The following PLCZ1 variants were observed in gnomAD, a reference collection of about 807,000 sequenced individuals.
The protein encoded by PLCZ1 is phospholipase C zeta 1, also known as 1-phosphatidylinositol 4,5-bisphosphate phosphodiesterase zeta-1.
Under a neutral mutation model 76.8 loss-of-function variants are expected in PLCZ1, and 64 were observed. That is an observed-to-expected ratio of 0.83 (90% CI 0.68 to 1.03). The LOEUF is 1.03. Among genes scored for constraint, PLCZ1 ranks in the 50% least tolerant of loss-of-function variants. The pLI is 0.00. For synonymous variants in PLCZ1, 248 were observed against 230.8 expected, an observed-to-expected ratio of 1.07 and a Z score of -0.68; for missense variants, 751 against 713.7, an observed-to-expected ratio of 1.05 and a Z score of -0.60.
chr12:18,693,631 T>C, intron 12 of PLCZ1: 2 of 1,567,020 alleles, frequency 1.3e-6, no homozygotes, highest in Non-Finnish European at 1.8e-6. Flanking sequence ...TGTTTATTGA[T>C]GAAATTGACG....
At chr12:18,725,305 T>C (rs1958688710) in intron 3 of PLCZ1, among the ~76,000 whole-genome samples, 1 of 151,926 alleles carries the variant, frequency 6.6e-6, no homozygotes, top group Non-Finnish European at 1.5e-5. Context: ...AGAAAAGCAA[T>C]AAGAAAGAAG....
At chr12:18,652,668 G>A in the PLCZ1 span, among the ~76,000 whole-genome samples, 5 of 151,910 alleles carry the variant, frequency 3.3e-5, no homozygotes, top group South Asian at 2.1e-4. Flanking sequence ...ATGATAGAAT[G>A]GCACACCAGT....
the PLCZ1 span, among the ~76,000 whole-genome samples, chr12:18,652,133 C>A: frequency 1.4e-4 from 22 of 151,948 alleles, no homozygotes; most frequent in Non-Finnish European, 5.9e-5. Context: ...GAAGTCCTAA[C>A]CCCAGGTACC....
chr12:18,663,770 T>A, the PLCZ1 span, among the ~76,000 whole-genome samples: 15 of 152,036 alleles, frequency 9.9e-5, no homozygotes, highest in East Asian at 2.5e-3. Context: ...AATTGAAAAA[T>A]GTTGTGCATC....
the PLCZ1 span, among the ~76,000 whole-genome samples, chr12:18,672,473 A>G: frequency 6.6e-6 from 1 of 152,216 alleles, no homozygotes; most frequent in Non-Finnish European, 1.5e-5. Context: ...AAAAACTGGT[A>G]TAAATCTAGG....
the PLCZ1 span, among the ~76,000 whole-genome samples, chr12:18,646,132 C>T: frequency 2.0e-5 from 3 of 152,108 alleles, no homozygotes; most frequent in Non-Finnish European, 2.9e-5. Flanking sequence ...TTTAAGGCAA[C>T]TCTTAAAATC....
At chr12:18,732,920 A>C (rs1959133639) in intron 3 of PLCZ1, among the ~76,000 whole-genome samples, 1 of 152,224 alleles carries the variant, frequency 6.6e-6, no homozygotes, top group Non-Finnish European at 1.5e-5. Flanking sequence ...TAATGCTGCA[A>C]TATATACAGG....
At chr12:18,654,376 A>C in the PLCZ1 span, among the ~76,000 whole-genome samples, 1 of 151,966 alleles carries the variant, frequency 6.6e-6, no homozygotes. Flanking sequence ...AAAGACTAAG[A>C]ATCACACTTG....
the PLCZ1 span, among the ~76,000 whole-genome samples, chr12:18,655,682 A>T: frequency 1.2e-3 from 180 of 152,160 alleles, 1 homozygote; most frequent in African/African-American, 4.1e-3. Context: ...CCTTGACAAG[A>T]TGTGATGAAA....
chr12:18,660,569 C>G, the PLCZ1 span, among the ~76,000 whole-genome samples: 1 of 151,854 alleles, frequency 6.6e-6, no homozygotes, highest in Non-Finnish European at 1.5e-5. Context: ...CTGTGCATGC[C>G]CGGAGAAAGG....
chr12:18,700,900 A>T (rs1955806138), intron 9 of PLCZ1, among the ~76,000 whole-genome samples: 2 of 152,084 alleles, frequency 1.3e-5, no homozygotes, highest in African/African-American at 4.8e-5. Context: ...GGGACCAGGG[A>T]AATTACGTTG....
rs550727544 is a variant in PLCZ1 at position 18,685,760 on chromosome 12, T to C, written c.1592-1481A>G. 1.2e-5 allele frequency: 5 copies of C among 402,196 alleles called. No homozygotes were observed. The East Asian group carries it at 2.7e-4, about 21-fold the overall frequency. The allele number at this position is 402,196 out of a possible 1,614,324, so 24.9% of individuals were successfully genotyped here. A position where few individuals can be genotyped will look rare whatever the true frequency, so the allele number is the denominator to read the frequency against. On this transcript the variant is annotated intron_variant, in intron 13 of 14. Transcript: ENST00000266505. ...CAGAAATGTTTATACTGATTTCTTC[T>C]TCCTCCAATCCTACTTCATTACACA... is the stretch of plus-strand genomic sequence containing the variant.
chr12:18,686,724 C>A lies in PLCZ1; in HGVS notation c.1591+1365G>T, dbSNP rs551649983. ...ATCATAATTATTTTACTTATAGCAT[C>A]ATCTTTCACACTGAACTATAAACTA... On this transcript the variant is annotated intron_variant, in intron 13 of 14. Transcript: ENST00000266505. Among the ~76,000 whole-genome samples the A allele has an allele frequency of 1.9e-3, 286 of 152,150 alleles. 1 individual carries two copies. The highest frequency in any genetic ancestry group is 3.2e-3 in the Admixed American group (49 of 15,238).
chr12:18,711,292 C>T (rs1957287600), intron 6 of PLCZ1, among the ~76,000 whole-genome samples: 1 of 146,446 alleles, frequency 6.8e-6, no homozygotes, highest in African/African-American at 2.5e-5. Flanking sequence ...GGACAAAAAA[C>T]CAAACACCGC....
At chr12:18,685,548 C>G in intron 13 of PLCZ1, 2 of 425,876 alleles carry the variant, frequency 4.7e-6, no homozygotes, top group South Asian at 1.8e-5. Context: ...CTATGGTTCA[C>G]CTGTGGTCAC....
At chr12:18,678,621 C>T (rs1000852991), downstream of PLCZ1, among the ~76,000 whole-genome samples, 1 of 151,870 alleles carries the variant, frequency 6.6e-6, no homozygotes, top group African/African-American at 2.4e-5. Context: ...CTACCTTTTG[C>T]CTACATTCTT....
the PLCZ1 span, chr12:18,648,338 G>T: frequency 4.3e-6 from 1 of 230,314 alleles, no homozygotes; most frequent in South Asian, 1.8e-4. Flanking sequence ...TGTTTTAATT[G>T]TGTGCCTACA....
At chr12:18,723,840 A>G (rs1380236116) in intron 3 of PLCZ1, among the ~76,000 whole-genome samples, 1 of 152,088 alleles carries the variant, frequency 6.6e-6, no homozygotes, top group African/African-American at 2.4e-5. Flanking sequence ...CTTTACTTCA[A>G]TATCTTCTTA....
intron 5 of PLCZ1, among the ~76,000 whole-genome samples, chr12:18,718,326 C>T (rs1280817652): frequency 6.6e-6 from 1 of 152,146 alleles, no homozygotes. Flanking sequence ...TCATCTTCTA[C>T]CTCCACTCTG....
Sources: gnomAD v4.1 joint callset for allele counts (sites outside exome capture counted in the v4.1 genomes callset) on GRCh38, gnomAD v4.1.1 for gene constraint, MANE v1.5 for transcripts, NCBI Gene and HGNC (gene_info 2026-07-23, HGNC 2026-07-21) for gene names.